The following RANBP2 variants were observed in gnomAD, a reference collection of about 807,000 sequenced individuals.
RANBP2 encodes RAN binding protein 2.
A neutral mutation model predicts 303.6 loss-of-function variants in RANBP2; 57 were observed. That is an observed-to-expected ratio of 0.19 (90% CI 0.15 to 0.23). The LOEUF (loss-of-function observed/expected upper bound fraction) is 0.23. Among genes scored for constraint, RANBP2 ranks in the 10% least tolerant of loss-of-function variants. RANBP2 has a pLI of 1.00. For missense variants in RANBP2, 3,138 were observed against 3,780.8 expected (o/e 0.83, Z 4.46); for synonymous variants, 1,167 against 1,301.5 (o/e 0.90, Z 2.23).
the RANBP2 span, among the ~76,000 whole-genome samples, chr2:108,956,865 C>T: frequency 6.6e-6 from 1 of 151,926 alleles, no homozygotes. Context: ...CTCAGCACAC[C>T]GCAACCTCCA....
chr2:109,166,252 G>C, the RANBP2 span, among the ~76,000 whole-genome samples: 32 of 152,242 alleles, frequency 2.1e-4, no homozygotes, highest in East Asian at 2.3e-3. Context: ...GCTGAGGCAG[G>C]TGGATCACGA....
At chr2:109,449,377 A>G in the RANBP2 span, 5 of 1,610,712 alleles carry the variant, frequency 3.1e-6, no homozygotes, top group Non-Finnish European at 4.2e-6. Flanking sequence ...ACACCTCCCA[A>G]CGTCAGTGCC....
intron 1 of RANBP2, among the ~76,000 whole-genome samples, chr2:108,726,641 AT>A (rs1462562657): frequency 1.3e-5 from 2 of 151,378 alleles, no homozygotes; most frequent in Admixed American, 1.3e-4. Context: ...TATTTTTTTA[AT>A]TTATTTTTTT....
At chr2:108,851,000 C>T in the RANBP2 span, among the ~76,000 whole-genome samples, 1 of 152,192 alleles carries the variant, frequency 6.6e-6, no homozygotes, top group Admixed American at 6.5e-5. Context: ...TCGTGCCACA[C>T]CAGTTGCAAG....
the RANBP2 span, among the ~76,000 whole-genome samples, chr2:109,439,083 G>C: frequency 3.3e-5 from 5 of 152,128 alleles, no homozygotes; most frequent in Non-Finnish European, 5.9e-5. Flanking sequence ...CCAATTCAAA[G>C]AAGAAATGGA....
chr2:109,117,004 A>G, the RANBP2 span, among the ~76,000 whole-genome samples: 1 of 152,134 alleles, frequency 6.6e-6, no homozygotes, highest in Admixed American at 6.5e-5. Context: ...TTTGTCTCAG[A>G]GGAGTACCCG....
chr2:109,687,861 A>G, the RANBP2 span, among the ~76,000 whole-genome samples: 5 of 151,562 alleles, frequency 3.3e-5, no homozygotes, highest in African/African-American at 1.2e-4. Context: ...CTTCCACCTC[A>G]GGCTCCTGAG....
At chr2:109,607,725 G>A in the RANBP2 span, among the ~76,000 whole-genome samples, 2 of 152,096 alleles carry the variant, frequency 1.3e-5, no homozygotes, top group Admixed American at 1.3e-4. Context: ...AAAAGGCAAA[G>A]TTTAGTCTTT....
the RANBP2 span, among the ~76,000 whole-genome samples, chr2:108,799,172 A>G: frequency 6.6e-6 from 1 of 152,290 alleles, no homozygotes; most frequent in East Asian, 1.9e-4. Context: ...TGAAGAATTC[A>G]GGCCAGCATT....
chr2:109,652,434 C>T, the RANBP2 span, among the ~76,000 whole-genome samples: 6 of 152,146 alleles, frequency 3.9e-5, no homozygotes, highest in South Asian at 1.2e-3. Flanking sequence ...ACTGTGTTAG[C>T]CAGGATGGTC....
At chr2:109,739,003 G>A in the RANBP2 span, among the ~76,000 whole-genome samples, 2 of 147,718 alleles carry the variant, frequency 1.4e-5, no homozygotes, top group African/African-American at 5.0e-5. Flanking sequence ...ACCATTTATT[G>A]AAGAAACTGT....
At chr2:109,379,418 C>T in the RANBP2 span, among the ~76,000 whole-genome samples, 2 of 152,172 alleles carry the variant, frequency 1.3e-5, no homozygotes, top group Admixed American at 6.5e-5. Flanking sequence ...TCCCACTCTC[C>T]AGGCGAGCCC....
chr2:109,207,373 C>A, the RANBP2 span, among the ~76,000 whole-genome samples: 5 of 152,060 alleles, frequency 3.3e-5, no homozygotes, highest in African/African-American at 2.4e-5. Context: ...GGGAGGGAAG[C>A]AGGTTGCTAT....
the RANBP2 span, among the ~76,000 whole-genome samples, chr2:109,678,024 G>A: frequency 6.6e-4 from 100 of 152,298 alleles, 2 homozygotes; most frequent in South Asian, 0.018. Flanking sequence ...GGTGGCTCCC[G>A]CAGCAGGGGG....
chr2:108,737,483 C>T (rs574736671), intron 6 of RANBP2, among the ~76,000 whole-genome samples: 79 of 150,620 alleles, frequency 5.2e-4, no homozygotes, highest in Non-Finnish European at 8.7e-4. Flanking sequence ...GGACTACAGG[C>T]GCACACCACC....
chr2:108,923,076 G>C, the RANBP2 span, among the ~76,000 whole-genome samples: 2 of 152,176 alleles, frequency 1.3e-5, no homozygotes, highest in African/African-American at 4.8e-5. Flanking sequence ...TCAGATGTTA[G>C]TACCCCCATA....
chr2:108,722,630 C>T (rs901933327), intron 1 of RANBP2, among the ~76,000 whole-genome samples: 16 of 126,592 alleles, frequency 1.3e-4, no homozygotes, highest in Non-Finnish European at 3.1e-5. Context: ...TACTCCCTCA[C>T]ATGTGCTTTT....
the RANBP2 span, chr2:109,733,118 C>T: frequency 8.2e-5 from 43 of 526,180 alleles, no homozygotes; most frequent in South Asian, 1.4e-4. Flanking sequence ...ATCGCTGTCT[C>T]GGGAGAGAAA....
the RANBP2 span, among the ~76,000 whole-genome samples, chr2:109,427,952 C>T: frequency 6.6e-6 from 1 of 152,246 alleles, no homozygotes; most frequent in Non-Finnish European, 1.5e-5. Flanking sequence ...CACTCATCCT[C>T]GCCCTGCCTG....
Sources: gnomAD v4.1 joint callset for allele counts (sites outside exome capture counted in the v4.1 genomes callset) on GRCh38, gnomAD v4.1.1 for gene constraint, MANE v1.5 for transcripts, NCBI Gene and HGNC (gene_info 2026-07-23, HGNC 2026-07-21) for gene names.